Variants in P4HTM observed in about 807,000 individuals in gnomAD.
The protein encoded by P4HTM is prolyl 4-hydroxylase, transmembrane, also known as transmembrane prolyl 4-hydroxylase.
Under a neutral mutation model 55.3 loss-of-function variants are expected in P4HTM, and 33 were observed. The observed-to-expected ratio is 0.60, with a 90% CI of 0.45 to 0.80. The LOEUF (loss-of-function observed/expected upper bound fraction) is 0.80, where lower values mean the gene tolerates loss of function less well. Ranked by LOEUF, P4HTM falls within the 30% of genes least tolerant of loss-of-function variation. The pLI, the probability that P4HTM is intolerant of heterozygous loss-of-function variation, is 0.00. For missense variants in P4HTM, 542 were observed against 696.5 expected (o/e 0.78, Z 2.50); for synonymous variants, 272 against 286.4 (o/e 0.95, Z 0.51).
chr3:49,005,945 AG>A, intron 7 of P4HTM, 78 bp downstream of exon 7: 1 of 1,539,518 alleles, frequency 6.5e-7, no homozygotes. Flanking sequence ...TCCAGGTCTA[AG>A]GATGTGGGCC....
Position 49,001,354 on chromosome 3 carries a change from C to T in P4HTM, c.437-84C>T, listed in dbSNP as rs767286897. Reference sequence around the variant, plus strand: ...TGGCCACTGAGGGACATGCAGTACCCCAGGAACCCTGAAGGGAGGAAGGTA... The same window carrying T: ...TGGCCACTGAGGGACATGCAGTACCTCAGGAACCCTGAAGGGAGGAAGGTA... On this transcript the variant is annotated intron_variant, in intron 2 of 8. Coordinates refer to ENST00000383729, the MANE Select transcript of P4HTM (RefSeq NM_177939.3). 3.1e-6 allele frequency: 4 copies of T among 1,304,162 alleles called. No individual in the cohort carries two copies. In the East Asian group the frequency reaches 9.3e-5, roughly 30 times the overall value. The allele number at this position is 1,304,162 out of a possible 1,614,324, so 80.8% of individuals were successfully genotyped here.
Position 48,999,014 on chromosome 3 carries a change from C to G in P4HTM, c.437-2424C>G, listed in dbSNP as rs2092953908. ...GCCTGAAGCGACTTGTCCACCTGCC[C>G]TATCTTGACATTCAAGAGCCCTTGA... On this transcript the variant is annotated intron_variant, in intron 2 of 8. Transcript: ENST00000383729. The surrounding 1 kb of genome is among the most constrained non-coding windows in gnomAD (Gnocchi z 4.8). Among the ~76,000 whole-genome samples the G allele has an allele frequency of 6.6e-6, 1 of 152,284 alleles. No homozygotes were observed. Among genetic ancestry groups the G allele is most frequent in the East Asian group, 1.9e-4 (1 of 5,172 alleles).
Position 48,990,648 on chromosome 3 carries a change from C to A in P4HTM, c.354+38C>A. On this transcript the variant is annotated intron_variant, in intron 1 of 8. Transcript: ENST00000383729. This position sits in a 1 kb window ranked among gnomAD's most constrained non-coding sequence, Gnocchi z 7.2. ...CTGCCCCGCCGCGCTCCAGGCCCTG[C>A]ACGGCTGAGCCCGAGAGGACCGGCG... 1 of 1,509,050 alleles carries A rather than the reference C, an allele frequency of 6.6e-7. No individual in the cohort carries two copies. 93.5% of individuals were successfully genotyped at this position (1,509,050 alleles called of 1,614,324 possible).
rs563413124 is a variant in P4HTM, at chr3:49,002,709, C to T, written c.724+113C>T. On this transcript the variant is annotated intron_variant, in intron 4 of 8. Transcript: ENST00000383729. This position sits in a 1 kb window ranked among gnomAD's most constrained non-coding sequence, Gnocchi z 4.4. Reference sequence around the variant, plus strand: ...CACAGCCAGGCAGCCTCTCTGCACCCCTTTATAGTGGCCAGAGATGGGGAG... The same window carrying T: ...CACAGCCAGGCAGCCTCTCTGCACCTCTTTATAGTGGCCAGAGATGGGGAG... The T allele has an allele frequency of 1.2e-6, 1 of 810,072 alleles. No homozygotes were observed. The highest frequency in any genetic ancestry group is 2.2e-6 in the Non-Finnish European group (1 of 463,538). 50.2% of individuals were successfully genotyped at this position (810,072 alleles called of 1,614,324 possible). A position where few individuals can be genotyped will look rare whatever the true frequency, so the allele number is the denominator to read the frequency against.
chr3:49,002,428 C>A lies in P4HTM; in HGVS notation c.628-72C>A. On this transcript the variant is annotated intron_variant, in intron 3 of 8. Coordinates refer to ENST00000383729, the MANE Select transcript of P4HTM (RefSeq NM_177939.3). The surrounding 1 kb of genome is among the most constrained non-coding windows in gnomAD (Gnocchi z 4.4). The stretch of plus-strand genomic sequence containing the variant: ...CCTGAACACTTTGCTCCACAACAAG[C>A]ACTGGGCCATCTGTTCTCTGCTGGC... The A allele has an allele frequency of 9.1e-7, 1 of 1,102,564 alleles. No homozygotes were observed. The allele number at this position is 1,102,564 out of a possible 1,614,324, so 68.3% of individuals were successfully genotyped here.
chr3:48,998,423 TG>T (rs1348745734), intron 2 of P4HTM: 1 of 152,204 alleles, frequency 6.6e-6, no homozygotes, highest in African/African-American at 2.4e-5. Flanking sequence ...AACCTCTCCA[TG>T]TTCCTACCCC....
intron 2 of P4HTM, 69 bp from the exon 3 acceptor site, chr3:49,001,369 G>A: frequency 6.9e-7 from 1 of 1,457,998 alleles, no homozygotes; most frequent in Non-Finnish European, 9.6e-7. Context: ...AACCCTGAAG[G>A]GAGGAAGGTA....
intron 5 of P4HTM, chr3:49,004,595 A>T: frequency 1.8e-6 from 1 of 561,240 alleles, no homozygotes. Flanking sequence ...AGGGAGGAGG[A>T]CCTCAGGACT....
At chr3:48,992,599 C>T (rs1405623637) in intron 2 of P4HTM, among the ~76,000 whole-genome samples, 1 of 150,314 alleles carries the variant, frequency 6.7e-6, no homozygotes, top group Non-Finnish European at 1.5e-5. Context: ...GAGAGAGACC[C>T]CTATCTCAAA....
chr3:48,998,895 C>T (rs377276591), intron 2 of P4HTM, among the ~76,000 whole-genome samples: 1 of 152,244 alleles, frequency 6.6e-6, no homozygotes. Context: ...CCAGAAGGGC[C>T]TCTGCTCCAT....
rs1172517847 is a variant in P4HTM, at chr3:49,000,738, C to CCCAG, written c.437-699_437-696dup. Among the ~76,000 whole-genome samples, 3 of 152,272 alleles carry CCCAG rather than the reference C, an allele frequency of 2.0e-5. No individual in the cohort carries two copies. In the East Asian group the frequency reaches 5.8e-4, roughly 29 times the overall value. Reference sequence around the variant, plus strand: ...AGGCAGCCAGCCACTGAAGCCAAGCCCCAGGCCTGACTGATCTTTACTCAG... The same window carrying CCCAG: ...AGGCAGCCAGCCACTGAAGCCAAGCCCCAGCCAGGCCTGACTGATCTTTACTCAG... On this transcript the variant is annotated intron_variant, in intron 2 of 8. Coordinates refer to ENST00000383729, the MANE Select transcript of P4HTM (RefSeq NM_177939.3).
In P4HTM at chr3:48,990,436, C is replaced by T; in HGVS notation, c.180C>T (p.Tyr60=). 3 of 1,609,098 alleles carry T rather than the reference C, an allele frequency of 1.9e-6. No homozygotes were observed. Among genetic ancestry groups the T allele is most frequent in the Non-Finnish European group, 2.5e-6 (3 of 1,179,138 alleles). The change falls in exon 1 of 9, where the codon TAC becomes TAT. Residue 60 remains tyrosine, a synonymous_variant. Transcript: ENST00000383729. This position sits in a 1 kb window ranked among gnomAD's most constrained non-coding sequence, Gnocchi z 7.2. Reference sequence around the variant, plus strand: ...CCCGCGGCATCTGCTCGCGCGCCTACTTCCTGGTGCTGATGGTGTTCGTGC... The same window carrying T: ...CCCGCGGCATCTGCTCGCGCGCCTATTTCCTGGTGCTGATGGTGTTCGTGC... ...CKPRGICSRA[Y]FLVLMVFVHL...
At position 48,991,107 on chromosome 3, in the gene P4HTM, A is replaced by C. The variant is rs573492512; in HGVS notation, c.436+193A>C. On this transcript the variant is annotated intron_variant, in intron 2 of 8. Coordinates refer to ENST00000383729, the MANE Select transcript of P4HTM (RefSeq NM_177939.3). Reference sequence around the variant, plus strand: ...ACTCCCTCTTATCCCAACTCCCTGCAGTCCATTCTTCCATCACAGGGCTGG... The same window carrying C: ...ACTCCCTCTTATCCCAACTCCCTGCCGTCCATTCTTCCATCACAGGGCTGG... 43 of 573,504 alleles carry C rather than the reference A, an allele frequency of 7.5e-5. No homozygotes were observed. In the African/African-American group the frequency reaches 7.9e-4, roughly 11 times the overall value. 35.5% of individuals were successfully genotyped at this position (573,504 alleles called of 1,614,324 possible).
chr3:49,004,195 C>T lies in P4HTM; in HGVS notation c.822C>T (p.Asn274=), dbSNP rs1488121964. The change falls in exon 5 of 9, where the codon AAC becomes AAT. Residue 274 remains asparagine (N), a synonymous_variant. Transcript: ENST00000383729. The part of the protein sequence containing the change: ...HKAESSELVR[N]SHHTWLYQGE... ...CAGAGTCCAGTGAGCTGGTGCGGAACAGCCACCATACCTGGCTCTACCAGG... is the reference window on the plus strand; with the variant it reads ...CAGAGTCCAGTGAGCTGGTGCGGAATAGCCACCATACCTGGCTCTACCAGG... 1 of 1,549,528 alleles carries T rather than the reference C, an allele frequency of 6.5e-7. No homozygotes were observed. The highest frequency in any genetic ancestry group is 1.4e-5 in the African/African-American group (1 of 73,010).
chr3:49,005,531 G>T, intron 6 of P4HTM: 2 of 1,353,942 alleles, frequency 1.5e-6, no homozygotes, highest in Non-Finnish European at 1.9e-6. Context: ...CCTTGCTCAG[G>T]GCCATGGCAT....
At chr3:48,994,170 C>T (rs187056403) in intron 2 of P4HTM, among the ~76,000 whole-genome samples, 1 of 152,280 alleles carries the variant, frequency 6.6e-6, no homozygotes, top group Admixed American at 6.5e-5. Flanking sequence ...GTCTTCTGGG[C>T]CTGCCTGTCC....
At position 49,006,789 on chromosome 3, in the gene P4HTM, G is replaced by A. The variant is rs780698401; in HGVS notation, c.1391G>A (p.Arg464Gln). The A allele has an allele frequency of 1.6e-5, 26 of 1,613,592 alleles. No individual in the cohort carries two copies. In the Admixed American group the frequency reaches 2.2e-4, roughly 13 times the overall value. The change falls in exon 9 of 9, where the codon CGA (arginine) becomes CAA (glutamine). Residue 464 changes from arginine to glutamine, a missense_variant. Coordinates refer to ENST00000383729, the MANE Select transcript of P4HTM (RefSeq NM_177939.3). Reference sequence around the variant, plus strand: ...AACTGGATTAATGTGGACCCCAGCCGAGCGCGGCAAGCGCTGTTCCAACAG... The same window carrying A: ...AACTGGATTAATGTGGACCCCAGCCAAGCGCGGCAAGCGCTGTTCCAACAG... ...ANNWINVDPS[R>Q]ARQALFQQEM... is the part of the protein sequence containing the mutation.
intron 2 of P4HTM, among the ~76,000 whole-genome samples, chr3:48,996,994 G>C (rs115433012): frequency 0.016 from 2,426 of 152,334 alleles, 66 homozygotes; most frequent in African/African-American, 0.054. Flanking sequence ...CTCTTGGCCA[G>C]ACAGAGGACT....
intron 2 of P4HTM, among the ~76,000 whole-genome samples, chr3:48,998,842 G>C (rs1395497963): frequency 6.6e-6 from 1 of 152,160 alleles, no homozygotes; most frequent in Non-Finnish European, 1.5e-5. Context: ...TGGGGAAGAG[G>C]AAACAGCCTT....
Sources: gnomAD v4.1 joint callset for allele counts (sites outside exome capture counted in the v4.1 genomes callset) on GRCh38, gnomAD v4.1.1 for gene constraint, Gnocchi (gnomAD v3.1) non-coding constraint, MANE v1.5 for transcripts, NCBI Gene and HGNC (gene_info 2026-07-23, HGNC 2026-07-21) for gene names.